The following ABCC4 variants were observed in gnomAD, a reference collection of about 807,000 sequenced individuals.
ABCC4 encodes ATP-binding cassette sub-family C member 4.
ABCC4 carries 102 observed loss-of-function variants against 168.5 expected under a neutral mutation model. That is an observed-to-expected ratio of 0.61 (90% CI 0.52 to 0.71). ABCC4 has a LOEUF of 0.71. Among genes scored for constraint, ABCC4 ranks in the 30% least tolerant of loss-of-function variants. The pLI, the probability that ABCC4 is intolerant of heterozygous loss-of-function variation, is 0.00. For missense variants in ABCC4, 1,402 were observed against 1,605.8 expected (o/e 0.87, Z 2.17); for synonymous variants, 617 against 590.7 (o/e 1.04, Z -0.65).
intron 3 of ABCC4, among the ~76,000 whole-genome samples, chr13:95,244,364 G>A (rs1250185960): frequency 6.6e-6 from 1 of 151,756 alleles, no homozygotes; most frequent in Non-Finnish European, 1.5e-5. Context: ...GAGAGGCCAA[G>A]GTGGGAGGAT....
At chr13:95,076,974 C>G (rs760225534) in intron 21 of ABCC4, among the ~76,000 whole-genome samples, 29 of 152,184 alleles carry the variant, frequency 1.9e-4, no homozygotes, top group Non-Finnish European at 3.8e-4. Flanking sequence ...GCCTTGGCCT[C>G]CCAAAGTGCT....
At chr13:95,160,072 CAG>C (rs57627127) in intron 19 of ABCC4, among the ~76,000 whole-genome samples, 23,237 of 152,112 alleles carry the variant, frequency 0.15, 2,183 homozygotes, top group African/African-American at 0.26. Context: ...AACTGTGACA[CAG>C]AAAAATTAAG....
chr13:95,056,527 A>T (rs768963813), intron 26 of ABCC4, among the ~76,000 whole-genome samples: 4 of 152,206 alleles, frequency 2.6e-5, no homozygotes, highest in Non-Finnish European at 4.4e-5. Flanking sequence ...CATGGCCTTA[A>T]TGAAGACTTC....
At chr13:95,159,677 C>T (rs1410868833) in intron 19 of ABCC4, among the ~76,000 whole-genome samples, 1 of 152,190 alleles carries the variant, frequency 6.6e-6, no homozygotes, top group South Asian at 2.1e-4. Flanking sequence ...GCTGTAATAG[C>T]GCAGAGGTCC....
At chr13:95,045,742 C>A (rs2032549367) in intron 27 of ABCC4, among the ~76,000 whole-genome samples, 1 of 152,108 alleles carries the variant, frequency 6.6e-6, no homozygotes, top group African/African-American at 2.4e-5. Flanking sequence ...AGAGTCAATA[C>A]ATCTCCAATT....
At chr13:95,046,766 T>TAA (rs113569912) in intron 27 of ABCC4, among the ~76,000 whole-genome samples, 1 of 148,098 alleles carries the variant, frequency 6.8e-6, no homozygotes, top group African/African-American at 2.5e-5. Context: ...CTGTCTCAAT[T>TAA]AAAAAAAAAA....
intron 1 of ABCC4, among the ~76,000 whole-genome samples, chr13:95,286,860 G>A (rs559139550): frequency 6.6e-6 from 1 of 151,788 alleles, no homozygotes; most frequent in East Asian, 1.9e-4. Flanking sequence ...AGGAGGCTGA[G>A]GCAGGAGAAT....
chr13:95,238,195 GAAAAA>G (rs10644641), intron 3 of ABCC4, among the ~76,000 whole-genome samples: 2 of 65,872 alleles, frequency 3.0e-5, no homozygotes, highest in Admixed American at 1.8e-4. Flanking sequence ...CTCCATCTCA[GAAAAA>G]AAAAAAAAAA....
At chr13:95,293,958 T>C (rs964392185) in intron 1 of ABCC4, among the ~76,000 whole-genome samples, 3 of 152,026 alleles carry the variant, frequency 2.0e-5, no homozygotes, top group Admixed American at 1.3e-4. Context: ...GGGTGCCTTC[T>C]TTCTTGCCAG....
At position 95,119,639 on chromosome 13, in the gene ABCC4, TAC is replaced by T. The variant is rs59096821; in HGVS notation, c.2456-3640_2456-3639del. On this transcript the variant is annotated intron_variant, in intron 19 of 30. Coordinates refer to ENST00000645237, the MANE Select transcript of ABCC4 (RefSeq NM_005845.5). Reference sequence around the variant, plus strand: ...GTTAAAGTCACCTCCGGAATTCTGATACGTCTCCCATGACGAAGACTTCCCAA... The same window carrying T: ...GTTAAAGTCACCTCCGGAATTCTGATGTCTCCCATGACGAAGACTTCCCAA... Among the ~76,000 whole-genome samples, 734 of 152,344 alleles carry T rather than the reference TAC, an allele frequency of 4.8e-3. 48 individuals carry two copies. The East Asian group carries it at 0.12, about 25-fold the overall frequency.
intron 1 of ABCC4, among the ~76,000 whole-genome samples, chr13:95,270,706 G>A (rs2040825354): frequency 6.6e-6 from 1 of 152,198 alleles, no homozygotes; most frequent in South Asian, 2.1e-4. Flanking sequence ...AGCCCCAGAT[G>A]ATGGCAATGC....
intron 1 of ABCC4, among the ~76,000 whole-genome samples, chr13:95,292,829 A>G (rs2041435421): frequency 6.6e-6 from 1 of 152,176 alleles, no homozygotes; most frequent in Non-Finnish European, 1.5e-5. Flanking sequence ...CCAGCACGGA[A>G]GTGGTCATGG....
At chr13:95,231,500 G>C (rs1398698609) in intron 4 of ABCC4, among the ~76,000 whole-genome samples, 2 of 152,136 alleles carry the variant, frequency 1.3e-5, no homozygotes, top group African/African-American at 2.4e-5. Flanking sequence ...AGGATATGGG[G>C]GCCTCAGTGG....
intron 29 of ABCC4, among the ~76,000 whole-genome samples, chr13:95,035,272 AG>A (rs1205685848): frequency 6.6e-6 from 1 of 152,220 alleles, no homozygotes; most frequent in Non-Finnish European, 1.5e-5. Flanking sequence ...TTAAGGTTCT[AG>A]AACATGTCAG....
intron 15 of ABCC4, among the ~76,000 whole-genome samples, chr13:95,165,611 T>C (rs961270503): frequency 2.0e-5 from 3 of 152,124 alleles, no homozygotes; most frequent in African/African-American, 7.2e-5. Context: ...AAGAAGGAAG[T>C]TGGGCTGCTG....
At chr13:95,291,658 C>G (rs1030109689) in intron 1 of ABCC4, among the ~76,000 whole-genome samples, 1 of 152,172 alleles carries the variant, frequency 6.6e-6, no homozygotes, top group African/African-American at 2.4e-5. Context: ...TGGGGACAAG[C>G]CCTGCGGACT....
rs764028696 is a variant in ABCC4 at position 95,073,189 on chromosome 13, G to A, written c.3018+15C>T. The A allele has an allele frequency of 1.5e-5, 24 of 1,599,212 alleles. No individual in the cohort carries two copies. Among genetic ancestry groups the A allele is most frequent in the African/African-American group, 1.3e-5 (1 of 74,638 alleles). ...AGGAGATTGAAAAGGCAAAGAACGT[G>A]AAGGTAAATATTACCATATTCTCAA... On this transcript the variant is annotated intron_variant, in intron 24 of 30. Transcript: ENST00000645237.
chr13:95,263,166 T>C (rs75789853), intron 1 of ABCC4, among the ~76,000 whole-genome samples: 1 of 152,170 alleles, frequency 6.6e-6, no homozygotes, highest in East Asian at 1.9e-4. Context: ...GCATGAACTA[T>C]AGTGCTGCTG....
rs116157659 is a variant in ABCC4, at chr13:95,298,538, G to A, written c.74+2703C>T. On this transcript the variant is annotated intron_variant, in intron 1 of 30. Coordinates refer to ENST00000645237, the MANE Select transcript of ABCC4 (RefSeq NM_005845.5). ...TTAGAATCTCCCAAGTGATGCCGAT[G>A]CTGCTGCTCTGAGTGCTATGCTTTG... Among the ~76,000 whole-genome samples, 207 of 152,274 alleles carry A rather than the reference G, an allele frequency of 1.4e-3. 1 individual carries two copies. The highest frequency in any genetic ancestry group is 4.6e-3 in the African/African-American group (193 of 41,560).
Sources: allele counts gnomAD v4.1 joint callset (sites outside exome capture counted in the v4.1 genomes callset), GRCh38; gene constraint gnomAD v4.1.1; transcripts MANE v1.5; gene names NCBI Gene and HGNC (gene_info 2026-07-23, HGNC 2026-07-21).